The following PARL variants were observed in gnomAD, a reference collection of about 807,000 sequenced individuals.
PARL encodes the protein presenilin-associated rhomboid-like protein, mitochondrial.
Under a neutral mutation model 51.6 loss-of-function variants are expected in PARL, and 44 were observed. That is an observed-to-expected ratio of 0.85 (90% confidence interval 0.67 to 1.10). The LOEUF (loss-of-function observed/expected upper bound fraction) is 1.10, where lower values mean the gene tolerates loss of function less well. Ranked by LOEUF, PARL falls within the 50% of genes least tolerant of loss-of-function variation. The pLI, the probability that PARL is intolerant of heterozygous loss-of-function variation, is 0.00. For synonymous variants in PARL, 172 were observed against 164.0 expected (o/e 1.05, Z -0.37); for missense variants, 441 against 469.5 (o/e 0.94, Z 0.56).
At chr3:183,869,657 A>G (rs554898387) in intron 1 of PARL, among the ~76,000 whole-genome samples, 3 of 152,266 alleles carry the variant, frequency 2.0e-5, no homozygotes, top group East Asian at 3.9e-4. Context: ...TATCCCTTCT[A>G]CTAGCCTCAA....
intron 7 of PARL, among the ~76,000 whole-genome samples, chr3:183,837,087 T>C (rs1728704496): frequency 1.3e-5 from 2 of 152,194 alleles, no homozygotes; most frequent in African/African-American, 2.4e-5. Flanking sequence ...TCTATCATAC[T>C]TATGTTTTTT....
At chr3:183,880,946 G>A (rs1734365955) in intron 1 of PARL, among the ~76,000 whole-genome samples, 1 of 151,842 alleles carries the variant, frequency 6.6e-6, no homozygotes, top group South Asian at 2.1e-4. Flanking sequence ...CTCCCACGTG[G>A]CTGGGACCAG....
At chr3:183,869,672 C>G (rs1186748558) in intron 1 of PARL, among the ~76,000 whole-genome samples, 3 of 152,016 alleles carry the variant, frequency 2.0e-5, no homozygotes, top group Non-Finnish European at 4.4e-5. Context: ...CCTCAAAGCT[C>G]CTCAAAAGCA....
chr3:183,833,620 C>T (rs767930004), intron 8 of PARL, 31 bp from the exon 9 acceptor site: 32 of 1,529,982 alleles, frequency 2.1e-5, no homozygotes, highest in African/African-American at 2.7e-5. Flanking sequence ...AGCGGCACAA[C>T]TGTGATTGCT....
At chr3:183,854,615 TAG>T (rs1730926936) in intron 4 of PARL, among the ~76,000 whole-genome samples, 2 of 151,912 alleles carry the variant, frequency 1.3e-5, no homozygotes, top group East Asian at 1.9e-4. Context: ...GTTTAATGAG[TAG>T]AGTTTCAGAT....
intron 1 of PARL, among the ~76,000 whole-genome samples, chr3:183,878,038 G>A (rs867484763): frequency 2.6e-5 from 4 of 152,152 alleles, no homozygotes; most frequent in South Asian, 2.1e-4. Context: ...TGATCCACCC[G>A]CCTTGGTCTC....
chr3:183,858,613 A>G (rs1356755858), intron 4 of PARL, among the ~76,000 whole-genome samples: 1 of 152,196 alleles, frequency 6.6e-6, no homozygotes, highest in Non-Finnish European at 1.5e-5. Context: ...TTGAACTAAC[A>G]GGAAAACCTG....
chr3:183,826,845 C>T (rs1057188617), downstream of PARL: 5 of 891,472 alleles, frequency 5.6e-6, no homozygotes, highest in Non-Finnish European at 6.7e-6. Context: ...TTCTCCATCT[C>T]GCAGGAAAAG....
At chr3:183,831,760 A>G (rs537985351) in intron 9 of PARL, among the ~76,000 whole-genome samples, 51 of 152,326 alleles carry the variant, frequency 3.3e-4, no homozygotes, top group African/African-American at 1.2e-3. Context: ...AAAATAAATA[A>G]AAGATTTTAG....
At chr3:183,856,990 A>G (rs917810008) in intron 4 of PARL, among the ~76,000 whole-genome samples, 3 of 152,246 alleles carry the variant, frequency 2.0e-5, no homozygotes, top group Non-Finnish European at 4.4e-5. Context: ...AAAGCAGAAG[A>G]CTGAAAACAA....
intron 7 of PARL, among the ~76,000 whole-genome samples, chr3:183,839,105 G>A (rs990967860): frequency 3.3e-5 from 5 of 152,132 alleles, no homozygotes; most frequent in Admixed American, 6.5e-5. Context: ...AACATTCCAC[G>A]AAGGGAAAGA....
chr3:183,848,457 G>A (rs541422457), intron 4 of PARL, among the ~76,000 whole-genome samples: 2 of 152,230 alleles, frequency 1.3e-5, no homozygotes, highest in East Asian at 3.9e-4. Context: ...CAGCCAGGAT[G>A]GTCTCAATCT....
chr3:183,842,310 AC>A lies in PARL; in HGVS notation c.744del (p.Tyr249ThrfsTer33). ...TAAAGCATATTACCTGCAGATAGGT[AC>A]ACTGCCATGAACTGCTCTTGACCCA... The part of the protein sequence containing the change: ...NILGQEQFMA[V>X]YLSAGVISNF... On this transcript the variant is annotated frameshift_variant, in exon 6 of 10. Coordinates refer to ENST00000317096, the MANE Select transcript of PARL (RefSeq NM_018622.7). LOFTEE classifies it high-confidence loss of function. The A allele has an allele frequency of 2.5e-6, 4 of 1,612,560 alleles. No homozygotes were observed. Among genetic ancestry groups the A allele is most frequent in the Non-Finnish European group, 3.4e-6 (4 of 1,179,794 alleles).
downstream of PARL, chr3:183,826,843 C>T: frequency 4.4e-6 from 4 of 903,996 alleles, no homozygotes; most frequent in Non-Finnish European, 5.3e-6. Context: ...AATTCTCCAT[C>T]TCGCAGGAAA....
At chr3:183,852,840 TGAA>T (rs1208129365) in intron 4 of PARL, among the ~76,000 whole-genome samples, 1 of 152,212 alleles carries the variant, frequency 6.6e-6, no homozygotes, top group African/African-American at 2.4e-5. Context: ...TCACACTACT[TGAA>T]GGAGTGGAAA....
chr3:183,833,947 A>G, intron 7 of PARL, 122 bp from the exon 8 acceptor site: 1 of 718,696 alleles, frequency 1.4e-6, no homozygotes, highest in Admixed American at 2.0e-5. Context: ...AGGTGAGCAC[A>G]AAGCTTCAAA....
At chr3:183,840,901 TAC>T (rs1211150881) in intron 6 of PARL, among the ~76,000 whole-genome samples, 1 of 152,114 alleles carries the variant, frequency 6.6e-6, no homozygotes, top group Non-Finnish European at 1.5e-5. Context: ...TTCTGATTTC[TAC>T]ACAGATAAAC....
intron 2 of PARL, 43 bp downstream of exon 2, chr3:183,867,822 A>T: frequency 7.0e-7 from 1 of 1,433,654 alleles, no homozygotes; most frequent in Non-Finnish European, 9.8e-7. Context: ...TTAACACTGC[A>T]TTTCTAGCAA....
chr3:183,858,787 G>A (rs1003853301), intron 4 of PARL, among the ~76,000 whole-genome samples: 2 of 152,088 alleles, frequency 1.3e-5, no homozygotes, highest in African/African-American at 4.8e-5. Context: ...ACAAATTTAA[G>A]TTTGAAGAAT....
Sources: gnomAD v4.1 joint callset for allele counts (sites outside exome capture counted in the v4.1 genomes callset) on GRCh38, gnomAD v4.1.1 for gene constraint, MANE v1.5 for transcripts, NCBI Gene and HGNC (gene_info 2026-07-23, HGNC 2026-07-21) for gene names.